INTS7: variants seen among roughly 807,000 people sequenced by gnomAD.
The protein encoded by INTS7 is chromosome 1 open reading frame 73.
INTS7 carries 46 observed loss-of-function variants against 109.2 expected under a neutral mutation model. The ratio of observed to expected loss-of-function variants is 0.42; its 90% CI spans 0.33 to 0.54. The LOEUF (loss-of-function observed/expected upper bound fraction) is 0.54, where lower values mean the gene tolerates loss of function less well. INTS7 is among the 20% of genes least tolerant of loss of function. The pLI is 0.07. For synonymous variants in INTS7, 412 were observed against 402.9 expected (o/e 1.02, Z -0.27); for missense variants, 929 against 1,132.4 (o/e 0.82, Z 2.58).
chr1:211,976,873 T>C (rs1248200853), intron 11 of INTS7, among the ~76,000 whole-genome samples, 154 bp from the exon 12 acceptor site: 1 of 152,210 alleles, frequency 6.6e-6, no homozygotes, highest in Admixed American at 6.5e-5. Flanking sequence ...TATTTTGAAG[T>C]CATTAATTTA....
chr1:211,993,194 A>C (rs925961865), intron 7 of INTS7, among the ~76,000 whole-genome samples: 1 of 152,288 alleles, frequency 6.6e-6, no homozygotes, highest in African/African-American at 2.4e-5. Flanking sequence ...GCAGTTATGC[A>C]AAGAAAAAGA....
chr1:212,035,279 C>G, intron 1 of INTS7, 65 bp downstream of exon 1: 5 of 1,107,374 alleles, frequency 4.5e-6, no homozygotes, highest in Non-Finnish European at 6.9e-6. Context: ...CCAAAGCAAC[C>G]ACCACCTGGT....
At chr1:211,986,681 T>C (rs993110132) in intron 8 of INTS7, among the ~76,000 whole-genome samples, 2 of 152,178 alleles carry the variant, frequency 1.3e-5, no homozygotes, top group African/African-American at 2.4e-5. Flanking sequence ...TGCTCTGTCA[T>C]TGCTACATCA....
intron 16 of INTS7, among the ~76,000 whole-genome samples, chr1:211,953,709 G>C (rs1361751376): frequency 6.6e-6 from 1 of 151,374 alleles, no homozygotes; most frequent in African/African-American, 2.4e-5. Context: ...TTTCATCCAT[G>C]TCCCTACAAA....
chr1:211,976,153 A>G (rs1251300359), intron 12 of INTS7, among the ~76,000 whole-genome samples: 9 of 152,180 alleles, frequency 5.9e-5, no homozygotes, highest in African/African-American at 1.9e-4. Context: ...AAAATTAATA[A>G]AACTTGTTAG....
intron 4 of INTS7, among the ~76,000 whole-genome samples, chr1:212,013,770 T>C (rs1348542894): frequency 6.6e-6 from 1 of 152,228 alleles, no homozygotes; most frequent in Admixed American, 6.5e-5. Flanking sequence ...CCTACAGTAT[T>C]CAGTACAGAA....
chr1:212,033,548 T>G (rs3762453), intron 1 of INTS7, among the ~76,000 whole-genome samples: 4,192 of 152,226 alleles, frequency 0.028, 148 homozygotes, highest in East Asian at 0.12. Flanking sequence ...AAAATTGTGG[T>G]TTTTTTCTTA....
chr1:211,972,339 G>A (rs1273713498), intron 13 of INTS7, among the ~76,000 whole-genome samples: 3 of 152,092 alleles, frequency 2.0e-5, no homozygotes, highest in Non-Finnish European at 4.4e-5. Flanking sequence ...TCCACACCTT[G>A]GGCAGGCTGA....
At chr1:211,994,342 T>C (rs1665276117) in intron 7 of INTS7, among the ~76,000 whole-genome samples, 1 of 151,980 alleles carries the variant, frequency 6.6e-6, no homozygotes, top group Non-Finnish European at 1.5e-5. Context: ...ATATCTAGGC[T>C]ATAAAAAATG....
chr1:211,984,245 T>C (rs1284852319), intron 8 of INTS7, among the ~76,000 whole-genome samples: 1 of 152,214 alleles, frequency 6.6e-6, no homozygotes, highest in Non-Finnish European at 1.5e-5. Flanking sequence ...TCTATTCTTT[T>C]TGTCCATGTG....
At chr1:211,986,210 G>T (rs1322822353) in intron 8 of INTS7, among the ~76,000 whole-genome samples, 2 of 151,938 alleles carry the variant, frequency 1.3e-5, no homozygotes, top group African/African-American at 4.8e-5. Context: ...TCAGCAGAAA[G>T]CCTTTCAATT....
chr1:211,960,364 G>A (rs1663562531), intron 16 of INTS7, among the ~76,000 whole-genome samples: 1 of 151,740 alleles, frequency 6.6e-6, no homozygotes, highest in Non-Finnish European at 1.5e-5. Flanking sequence ...GAAAGAACCA[G>A]TGCAAGAACT....
intron 9 of INTS7, among the ~76,000 whole-genome samples, 182 bp downstream of exon 9, chr1:211,982,494 T>G (rs905266211): frequency 6.6e-6 from 1 of 152,154 alleles, no homozygotes; most frequent in African/African-American, 2.4e-5. Flanking sequence ...TTCATCTCTT[T>G]ATTATTTTTC....
chr1:212,031,786 C>G (rs1173205703), intron 1 of INTS7, among the ~76,000 whole-genome samples: 1 of 152,154 alleles, frequency 6.6e-6, no homozygotes, highest in Non-Finnish European at 1.5e-5. Flanking sequence ...GAGTCAGCTT[C>G]AAAATAGTAT....
At position 211,967,861 on chromosome 1, in the gene INTS7, G is replaced by A. The variant is rs753422586; in HGVS notation, c.2114+17C>T. 2 of 1,415,672 alleles carry A rather than the reference G, an allele frequency of 1.4e-6. No homozygotes were observed. Among genetic ancestry groups the A allele is most frequent in the Non-Finnish European group, 9.9e-7 (1 of 1,006,712 alleles). The allele number at this position is 1,415,672 out of a possible 1,614,324, so 87.7% of individuals were successfully genotyped here. On this transcript the variant is annotated intron_variant, in intron 15 of 19. Transcript: ENST00000366994. ...CTTCCAAAAAGAACAAGAAGTACTA[G>A]GGCAAGCTTGGGATACAGTTCAACA...
intron 5 of INTS7, among the ~76,000 whole-genome samples, chr1:212,010,418 T>C (rs1305251821): frequency 1.3e-5 from 2 of 152,182 alleles, no homozygotes; most frequent in African/African-American, 4.8e-5. Flanking sequence ...CTTTGTAGTC[T>C]ATGGTAAGGA....
At chr1:212,026,745 TCTCA>T (rs1487734621) in intron 1 of INTS7, among the ~76,000 whole-genome samples, 3 of 152,222 alleles carry the variant, frequency 2.0e-5, no homozygotes, top group Non-Finnish European at 4.4e-5. Flanking sequence ...TTCATTTTCT[TCTCA>T]CTGTCAGTAG....
chr1:212,017,043 C>A lies in INTS7; in HGVS notation c.372-20G>T. ...AACATCCTACAGAAACAGAGAAACC[C>A]AAGAAGATCGGGCATAAAATAAAGT... is the stretch of plus-strand genomic sequence containing the variant. On this transcript the variant is annotated intron_variant, in intron 3 of 19. Coordinates refer to ENST00000366994, the MANE Select transcript of INTS7 (RefSeq NM_015434.4). The A allele has an allele frequency of 1.3e-6, 2 of 1,541,422 alleles. No individual in the cohort carries two copies. The highest frequency in any genetic ancestry group is 1.7e-6 in the Non-Finnish European group (2 of 1,149,530).
At chr1:211,950,902 A>G (rs1196208755) in intron 17 of INTS7, among the ~76,000 whole-genome samples, 2 of 152,238 alleles carry the variant, frequency 1.3e-5, no homozygotes, top group Non-Finnish European at 2.9e-5. Flanking sequence ...GAATATGAAA[A>G]TAACCACTGT....
Sources: allele counts gnomAD v4.1 joint callset (sites outside exome capture counted in the v4.1 genomes callset), GRCh38; gene constraint gnomAD v4.1.1; transcripts MANE v1.5; gene names NCBI Gene and HGNC (gene_info 2026-07-23, HGNC 2026-07-21).